Variants in CNTNAP4 observed in about 807,000 individuals in gnomAD.
The protein encoded by CNTNAP4 is contactin-associated protein-like 4.
In CNTNAP4, 98 loss-of-function variants were observed where a neutral mutation model predicts 148.4. That is an observed-to-expected ratio of 0.66 (90% CI 0.56 to 0.78). The LOEUF is 0.78. CNTNAP4 is among the 30% of genes least tolerant of loss of function. The pLI is 0.00. For synonymous variants in CNTNAP4, 730 were observed against 565.1 expected (o/e 1.29, Z -4.14); for missense variants, 1,935 against 1,565.6 (o/e 1.24, Z -3.98).
At chr16:76,434,935 C>T (rs924636223) in intron 4 of CNTNAP4, among the ~76,000 whole-genome samples, 1 of 152,136 alleles carries the variant, frequency 6.6e-6, no homozygotes, top group Non-Finnish European at 1.5e-5. Flanking sequence ...TGGAGCACCA[C>T]AATGATGTTT....
At chr16:76,281,230 T>C (rs1393956667) in intron 1 of CNTNAP4, among the ~76,000 whole-genome samples, 1 of 151,736 alleles carries the variant, frequency 6.6e-6, no homozygotes, top group Non-Finnish European at 1.5e-5. Flanking sequence ...TTTCTTTTCC[T>C]CCCCCCACCA....
Position 76,553,860 on chromosome 16 carries a change from G to T in CNTNAP4, c.3686G>T (p.Arg1229Ile). The part of the protein sequence containing the change: ...FADHSGTIDD[R>I]EPLANAIKSD... ...GATCATTCTGGAACAATAGATGACAGAGAGCCCCTTGCTAATGCAATCAAA... is the reference window on the plus strand; with the variant it reads ...GATCATTCTGGAACAATAGATGACATAGAGCCCCTTGCTAATGCAATCAAA... Residue 1229 changes from arginine (R) to isoleucine (I), a missense_variant, in exon 23 of 24, where the codon AGA becomes ATA. Coordinates refer to ENST00000611870, the MANE Select transcript of CNTNAP4 (RefSeq NM_033401.5). The T allele has an allele frequency of 6.2e-7, 1 of 1,612,302 alleles. No homozygotes were observed. Among genetic ancestry groups the T allele is most frequent in the Non-Finnish European group, 8.5e-7 (1 of 1,178,598 alleles).
intron 2 of CNTNAP4, among the ~76,000 whole-genome samples, chr16:76,328,828 A>G (rs182702276): frequency 1.3e-5 from 2 of 152,228 alleles, no homozygotes; most frequent in Admixed American, 6.5e-5. Context: ...TATTTTTAGT[A>G]GAGACGGGGT....
intron 2 of CNTNAP4, among the ~76,000 whole-genome samples, chr16:76,320,885 G>A (rs1962335921): frequency 6.6e-6 from 1 of 152,142 alleles, no homozygotes; most frequent in South Asian, 2.1e-4. Context: ...TAAATAAAAT[G>A]ATTGTCCAAA....
intron 17 of CNTNAP4, among the ~76,000 whole-genome samples, chr16:76,532,872 A>G (rs9931450): frequency 0.12 from 17,875 of 152,132 alleles, 1,890 homozygotes; most frequent in African/African-American, 0.29. Context: ...CAGCTCTGGT[A>G]AGGAAGAAAA....
chr16:76,433,198 GA>G lies in CNTNAP4; in HGVS notation c.538+5601del, dbSNP rs370668795. Among the ~76,000 whole-genome samples the G allele has an allele frequency of 3.1e-3, 471 of 152,200 alleles. 3 individuals carry two copies. The highest frequency in any genetic ancestry group is 0.01 in the African/African-American group (432 of 41,554). On this transcript the variant is annotated intron_variant, in intron 4 of 23. Transcript: ENST00000611870. ...CTAATAACAACAATGAAGAATGAAT[GA>G]ATGGGGGCAAGCTTAGTAAGCCTCA...
At chr16:76,356,095 G>C (rs958026839) in intron 3 of CNTNAP4, among the ~76,000 whole-genome samples, 3 of 151,778 alleles carry the variant, frequency 2.0e-5, no homozygotes, top group African/African-American at 7.3e-5. Context: ...GGCTGGACTC[G>C]AACTCCTGGC....
intron 2 of CNTNAP4, among the ~76,000 whole-genome samples, chr16:76,339,376 G>GA (rs1331773017): frequency 6.6e-6 from 1 of 151,912 alleles, no homozygotes; most frequent in Non-Finnish European, 1.5e-5. Context: ...TTAGATTGTT[G>GA]AAAAATATAA....
intron 1 of CNTNAP4, among the ~76,000 whole-genome samples, chr16:76,291,198 C>CT (rs760013345): frequency 3.1e-4 from 47 of 152,176 alleles, no homozygotes; most frequent in South Asian, 8.3e-4. Flanking sequence ...AATTACATTG[C>CT]TTTTTTTCAG....
At chr16:76,481,988 C>A (rs2081848741) in intron 12 of CNTNAP4, among the ~76,000 whole-genome samples, 1 of 145,746 alleles carries the variant, frequency 6.9e-6, no homozygotes, top group African/African-American at 2.6e-5. Context: ...GATGAGAAGA[C>A]ACTGAGGAGT....
At chr16:76,336,271 C>T (rs989328752) in intron 2 of CNTNAP4, among the ~76,000 whole-genome samples, 3 of 152,192 alleles carry the variant, frequency 2.0e-5, no homozygotes, top group African/African-American at 4.8e-5. Flanking sequence ...ATTCTAACTG[C>T]TTTGCTTAAG....
At chr16:76,316,062 CTTTT>C (rs925240675) in intron 1 of CNTNAP4, 4 of 351,106 alleles carry the variant, frequency 1.1e-5, no homozygotes, top group Non-Finnish European at 2.0e-5. Flanking sequence ...TGTGATTTTT[CTTTT>C]TAATTTCTTT....
intron 3 of CNTNAP4, among the ~76,000 whole-genome samples, chr16:76,394,920 G>GGA (rs1407817686): frequency 1.3e-5 from 2 of 151,934 alleles, no homozygotes; most frequent in Non-Finnish European, 2.9e-5. Context: ...TGTTTACTTA[G>GGA]GGCTCTGTGA....
Position 76,505,237 on chromosome 16 carries a change from A to G in CNTNAP4, c.2365+6543A>G. On this transcript the variant is annotated intron_variant, in intron 15 of 23. Transcript: ENST00000611870. ...CAAATGTTTATCAACTAGTGAAAGG[A>G]TACACGTTCCATTTTACTGTGGTGT... 4.8e-5 allele frequency among the ~76,000 whole-genome samples: 2 copies of G among 41,238 alleles called. 1 individual carries two copies. 27.1% of individuals were successfully genotyped at this position (41,238 alleles called of 152,430 possible).
intron 23 of CNTNAP4, chr16:76,557,287 A>G (rs1439744737): frequency 6.6e-6 from 1 of 152,144 alleles, no homozygotes; most frequent in East Asian, 1.9e-4. Context: ...TTTTAGAGAA[A>G]ATGTCCACCA....
At chr16:76,350,843 A>T (rs1428756) in intron 2 of CNTNAP4, among the ~76,000 whole-genome samples, 2,970 of 152,286 alleles carry the variant, frequency 0.02, 95 homozygotes, top group African/African-American at 0.063. Context: ...TAATATGAAA[A>T]GTTAAGACAT....
chr16:76,316,523 G>A lies in CNTNAP4; in HGVS notation c.196G>A (p.Gly66Arg). ...ATTTGCAAGGCTGAATAGAAGAGAT[G>A]GTAAGTCTGCTTTTCTCCTCTGACT... ...PGFARLNRRD[G>R]AGGWSPLVSN... is the part of the protein sequence containing the mutation. The change falls in exon 2 of 24, where the codon GGA becomes AGA. Residue 66 changes from glycine (G) to arginine (R), a missense_variant and splice_region_variant. Gly to Arg is a moderately radical substitution (Grantham distance 125). Transcript: ENST00000611870. The A allele has an allele frequency of 6.2e-7, 1 of 1,602,272 alleles. No homozygotes were observed. Among genetic ancestry groups the A allele is most frequent in the Non-Finnish European group, 8.6e-7 (1 of 1,169,404 alleles).
rs60445801 is a variant in CNTNAP4 at position 76,364,586 on chromosome 16, C to T, written c.390+9075C>T. On this transcript the variant is annotated intron_variant, in intron 3 of 23. Coordinates refer to ENST00000611870, the MANE Select transcript of CNTNAP4 (RefSeq NM_033401.5). ...ATTCCCTCTTACCACGGCTGCGATACTGTGTCTTAGACATCTGCTTTTTGG... is the reference window on the plus strand; with the variant it reads ...ATTCCCTCTTACCACGGCTGCGATATTGTGTCTTAGACATCTGCTTTTTGG... Among the ~76,000 whole-genome samples, 602 of 152,294 alleles carry T rather than the reference C, an allele frequency of 4.0e-3. 4 individuals are homozygous for T. Among genetic ancestry groups the T allele is most frequent in the African/African-American group, 0.014 (569 of 41,570 alleles).
intron 3 of CNTNAP4, among the ~76,000 whole-genome samples, chr16:76,387,959 T>A (rs1567962870): frequency 6.6e-6 from 1 of 152,200 alleles, no homozygotes; most frequent in Non-Finnish European, 1.5e-5. Context: ...TTTTATTTTT[T>A]AAAAAGTATT....
Sources: allele counts gnomAD v4.1 joint callset (sites outside exome capture counted in the v4.1 genomes callset), GRCh38; gene constraint gnomAD v4.1.1; transcripts MANE v1.5; gene names NCBI Gene and HGNC (gene_info 2026-07-23, HGNC 2026-07-21).